SNTG1: variants seen among roughly 807,000 people sequenced by gnomAD.
The protein encoded by SNTG1 is gamma-1-syntrophin.
Under a neutral mutation model 74.7 loss-of-function variants are expected in SNTG1, and 39 were observed. That is an observed-to-expected ratio of 0.52 (90% CI 0.40 to 0.68). The LOEUF (loss-of-function observed/expected upper bound fraction) is 0.68. Among genes scored for constraint, SNTG1 ranks in the 30% least tolerant of loss-of-function variants. The pLI, the probability that SNTG1 is intolerant of heterozygous loss-of-function variation, is 0.00. For missense variants in SNTG1, 685 were observed against 609.5 expected (o/e 1.12, Z -1.30); for synonymous variants, 254 against 217.1 (o/e 1.17, Z -1.49).
chr8:50,206,310 A>T (rs576348718), intron 2 of SNTG1, among the ~76,000 whole-genome samples: 1 of 152,052 alleles, frequency 6.6e-6, no homozygotes, highest in East Asian at 1.9e-4. Context: ...ATTCCTAGGT[A>T]TTTTATTCTC....
intron 2 of SNTG1, among the ~76,000 whole-genome samples, chr8:50,185,972 G>A (rs566465208): frequency 6.6e-6 from 1 of 152,158 alleles, no homozygotes; most frequent in African/African-American, 2.4e-5. Context: ...CATTCATTAA[G>A]TATTTGCCCT....
chr8:50,129,783 A>C (rs192592073), intron 1 of SNTG1, among the ~76,000 whole-genome samples: 3 of 152,180 alleles, frequency 2.0e-5, no homozygotes, highest in Admixed American at 2.0e-4. Context: ...ATAAAACTAA[A>C]TACAGAGTAA....
chr8:50,090,413 G>A (rs1420783984), intron 1 of SNTG1, among the ~76,000 whole-genome samples: 2 of 152,080 alleles, frequency 1.3e-5, no homozygotes, highest in African/African-American at 4.8e-5. Context: ...TTTCATGCAA[G>A]ACAGGCTTTC....
chr8:50,395,791 G>A (rs1312266322), intron 3 of SNTG1, among the ~76,000 whole-genome samples: 1 of 152,144 alleles, frequency 6.6e-6, no homozygotes, highest in African/African-American at 2.4e-5. Context: ...GATTACAGGC[G>A]TGAGCCACTG....
At chr8:50,378,093 G>A (rs2092420181) in intron 2 of SNTG1, among the ~76,000 whole-genome samples, 1 of 152,212 alleles carries the variant, frequency 6.6e-6, no homozygotes, top group Non-Finnish European at 1.5e-5. Flanking sequence ...TGCCTGCCAG[G>A]GCAAGTCATG....
chr8:50,389,137 A>G (rs1375392364), intron 2 of SNTG1, among the ~76,000 whole-genome samples: 1 of 152,178 alleles, frequency 6.6e-6, no homozygotes, highest in Non-Finnish European at 1.5e-5. Flanking sequence ...AAACTAGCAT[A>G]TGGTCATTTC....
At chr8:50,140,400 T>A (rs562473651) in intron 1 of SNTG1, among the ~76,000 whole-genome samples, 1 of 152,248 alleles carries the variant, frequency 6.6e-6, no homozygotes, top group Admixed American at 6.5e-5. Context: ...ATCTTGAACA[T>A]GTGTGTGTCT....
intron 2 of SNTG1, among the ~76,000 whole-genome samples, chr8:50,338,092 C>A (rs1473194510): frequency 6.8e-5 from 2 of 29,322 alleles, no homozygotes; most frequent in Non-Finnish European, 6.1e-3. Context: ...GCCGAGATTG[C>A]GCCTGCACTC....
rs150149028 is a variant in SNTG1 at position 50,733,281 on chromosome 8, T to C, written c.1285-18720T>C. Among the ~76,000 whole-genome samples, 301 of 152,144 alleles carry C rather than the reference T, an allele frequency of 2.0e-3. 3 individuals carry two copies. Among genetic ancestry groups the C allele is most frequent in the African/African-American group, 7.1e-3 (294 of 41,552 alleles). On this transcript the variant is annotated intron_variant, in intron 17 of 18. Transcript: ENST00000642720. ...AAGATTTTATTCTTTTTTATGACCA[T>C]GTAGTATTCCATGATGTATAGGTAC...
chr8:50,301,042 T>C (rs2089622552), intron 2 of SNTG1, among the ~76,000 whole-genome samples: 1 of 152,178 alleles, frequency 6.6e-6, no homozygotes, highest in African/African-American at 2.4e-5. Context: ...TAGAATTATC[T>C]AGGTGTGTGT....
chr8:49,984,210 AT>A (rs200052962), intron 1 of SNTG1, among the ~76,000 whole-genome samples: 1 of 150,292 alleles, frequency 6.7e-6, no homozygotes, highest in Non-Finnish European at 1.5e-5. Flanking sequence ...TTATTTATTT[AT>A]TTTTTTTTGG....
chr8:50,519,518 C>T (rs1189722094), intron 9 of SNTG1, among the ~76,000 whole-genome samples: 1 of 152,182 alleles, frequency 6.6e-6, no homozygotes, highest in Non-Finnish European at 1.5e-5. Context: ...CAAATTGTCT[C>T]TGTTTGCAGA....
chr8:50,229,634 G>T (rs1416401775), intron 2 of SNTG1, among the ~76,000 whole-genome samples: 1 of 145,874 alleles, frequency 6.9e-6, no homozygotes. Flanking sequence ...AAATGTAAGA[G>T]TGTAGTTTGA....
intron 1 of SNTG1, among the ~76,000 whole-genome samples, chr8:50,108,561 G>A (rs2080466816): frequency 6.6e-6 from 1 of 152,090 alleles, no homozygotes; most frequent in South Asian, 2.1e-4. Context: ...CATTCATGAA[G>A]GGAAAAACCC....
intron 18 of SNTG1, among the ~76,000 whole-genome samples, chr8:50,779,238 A>G (rs2131821591): frequency 6.6e-6 from 1 of 152,288 alleles, no homozygotes; most frequent in Admixed American, 6.5e-5. Context: ...AATTCTGTGA[A>G]GAAAGTCATT....
intron 1 of SNTG1, among the ~76,000 whole-genome samples, chr8:50,138,929 GTTTA>G (rs1363708800): frequency 1.3e-5 from 2 of 151,904 alleles, no homozygotes; most frequent in African/African-American, 2.4e-5. Context: ...TAAATTTTAT[GTTTA>G]TTTGACAATA....
chr8:50,315,222 A>C (rs2090270781), intron 2 of SNTG1, among the ~76,000 whole-genome samples: 1 of 149,658 alleles, frequency 6.7e-6, no homozygotes, highest in Non-Finnish European at 1.5e-5. Context: ...TGTTATGTCT[A>C]TGGTGCAGCG....
At chr8:50,641,470 G>T (rs1168464985) in intron 13 of SNTG1, among the ~76,000 whole-genome samples, 1 of 152,146 alleles carries the variant, frequency 6.6e-6, no homozygotes, top group Admixed American at 6.5e-5. Flanking sequence ...TCTCTCCTCT[G>T]TCCTTGCATT....
At chr8:50,474,865 G>A (rs939194551) in intron 8 of SNTG1, among the ~76,000 whole-genome samples, 1 of 152,052 alleles carries the variant, frequency 6.6e-6, no homozygotes, top group Admixed American at 6.6e-5. Context: ...AAGAAAATGT[G>A]GCATATATAC....
Sources: allele counts gnomAD v4.1 joint callset (sites outside exome capture counted in the v4.1 genomes callset), GRCh38; gene constraint gnomAD v4.1.1; transcripts MANE v1.5; gene names NCBI Gene and HGNC (gene_info 2026-07-23, HGNC 2026-07-21).